TYW1: variants seen among roughly 807,000 people sequenced by gnomAD.
TYW1 encodes S-adenosyl-L-methionine-dependent tRNA 4-demethylwyosine synthase TYW1.
TYW1 carries 46 observed loss-of-function variants against 96.2 expected under a neutral mutation model. That is an observed-to-expected ratio of 0.48 (90% CI 0.38 to 0.61). The LOEUF (loss-of-function observed/expected upper bound fraction) is 0.61, where lower values mean the gene tolerates loss of function less well. Ranked by LOEUF, TYW1 falls within the 20% of genes least tolerant of loss-of-function variation. TYW1 has a pLI of 0.00. For missense variants in TYW1, 684 were observed against 909.6 expected (o/e 0.75, Z 3.19); for synonymous variants, 274 against 323.0 (o/e 0.85, Z 1.63).
At position 66,998,128 on chromosome 7, in the gene TYW1, A is replaced by G. The variant is rs776284490; in HGVS notation, c.68A>G (p.Tyr23Cys). 6.2e-7 allele frequency: 1 copy of G among 1,613,154 alleles called. No homozygotes were observed. Among genetic ancestry groups the G allele is most frequent in the Non-Finnish European group, 8.5e-7 (1 of 1,179,804 alleles). Reference sequence around the variant, plus strand: ...ATATCATTATGGATAAACAGGTTTTACATTTATTTGGGCTTTGCTGTTAGC... The same window carrying G: ...ATATCATTATGGATAAACAGGTTTTGCATTTATTTGGGCTTTGCTGTTAGC... ...PLISLWINRF[Y>C]IYLGFAVSIS... Residue 23 changes from tyrosine (Y) to cysteine (C), a missense_variant, in exon 2 of 16, where the codon TAC becomes TGC. Tyr to Cys is a radical substitution (Grantham distance 194). Transcript: ENST00000359626.
intron 1 of TYW1, 46 bp downstream of exon 1, chr7:66,997,028 A>G: frequency 6.2e-7 from 1 of 1,612,698 alleles, no homozygotes; most frequent in Non-Finnish European, 8.5e-7. Context: ...CAGGGGAGGT[A>G]AACGTTTTAC....
chr7:67,062,262 A>G lies in TYW1; in HGVS notation c.1156-5023A>G, dbSNP rs1166078112. On this transcript the variant is annotated intron_variant, in intron 9 of 15. Coordinates refer to ENST00000359626, the MANE Select transcript of TYW1 (RefSeq NM_018264.4). ...TGTCTCTACTAAAAATACAAAAATTAGCTGGGCGTAGTGGTGGGCGCCTGT... is the reference window on the plus strand; with the variant it reads ...TGTCTCTACTAAAAATACAAAAATTGGCTGGGCGTAGTGGTGGGCGCCTGT... Among the ~76,000 whole-genome samples, 4 of 152,058 alleles carry G rather than the reference A, an allele frequency of 2.6e-5. No homozygotes were observed. The South Asian group carries it at 6.2e-4, about 24-fold the overall frequency.
intron 7 of TYW1, among the ~76,000 whole-genome samples, chr7:67,048,181 T>C (rs1795247053): frequency 6.9e-6 from 1 of 144,790 alleles, no homozygotes; most frequent in African/African-American, 2.6e-5. Flanking sequence ...CAGCAACTTA[T>C]GGGCCATCCT....
chr7:67,028,438 C>T (rs1423690608), intron 7 of TYW1, among the ~76,000 whole-genome samples: 1 of 152,070 alleles, frequency 6.6e-6, no homozygotes. Context: ...TTCCAGCTGA[C>T]CAAAAACCTA....
chr7:67,011,638 G>A (rs1330569498), intron 4 of TYW1, among the ~76,000 whole-genome samples: 8 of 151,898 alleles, frequency 5.3e-5, no homozygotes, highest in Admixed American at 4.6e-4. Context: ...TTGGGAGGCT[G>A]AGGTAGGTGG....
rs1793938177 is a variant in TYW1, at chr7:67,014,458, A to G, written c.467A>G (p.Glu156Gly). The G allele has an allele frequency of 6.2e-7, 1 of 1,613,842 alleles. No homozygotes were observed. The highest frequency in any genetic ancestry group is 8.5e-7 in the Non-Finnish European group (1 of 1,179,876). ...GCAGAGTGGTTCTGCAAATGGTTAG[A>G]GGAAGCATCCATTGATTTTCGATTT... ...ESAEWFCKWLEEASIDFRFGK... is the reference protein window; with the variant it reads ...ESAEWFCKWLGEASIDFRFGK... The change falls in exon 5 of 16, where the codon GAG becomes GGG. Residue 156 changes from glutamate (E) to glycine (G), a missense_variant. Coordinates refer to ENST00000359626, the MANE Select transcript of TYW1 (RefSeq NM_018264.4).
rs547468530 is a variant in TYW1, at chr7:67,121,445, G to A, written c.1698+3827G>A. Among the ~76,000 whole-genome samples the A allele has an allele frequency of 9.2e-5, 14 of 152,318 alleles. 1 individual carries two copies. The South Asian group carries it at 1.9e-3, about 20-fold the overall frequency. On this transcript the variant is annotated intron_variant, in intron 13 of 15. Transcript: ENST00000359626. ...AATCCCAGCTACTCGGGAGGCTGAGGCAGGAGAATTGCTTCAACCGAGGAG... is the reference window on the plus strand; with the variant it reads ...AATCCCAGCTACTCGGGAGGCTGAGACAGGAGAATTGCTTCAACCGAGGAG...
At chr7:67,081,056 T>A (rs1186412622) in intron 10 of TYW1, among the ~76,000 whole-genome samples, 6 of 151,016 alleles carry the variant, frequency 4.0e-5, no homozygotes, top group African/African-American at 1.5e-4. Context: ...GTTTATACTT[T>A]TGTGTATTTT....
At chr7:67,210,332 C>G (rs1426854063) in intron 15 of TYW1, among the ~76,000 whole-genome samples, 2 of 152,190 alleles carry the variant, frequency 1.3e-5, no homozygotes, top group African/African-American at 4.8e-5. Context: ...CACATCATGT[C>G]AAGGGCACGC....
intron 7 of TYW1, among the ~76,000 whole-genome samples, chr7:67,044,481 T>C (rs955118190): frequency 6.6e-6 from 1 of 152,206 alleles, no homozygotes; most frequent in African/African-American, 2.4e-5. Flanking sequence ...TGGAAATAGC[T>C]GTCTGATAGT....
At chr7:67,065,476 ACT>A (rs1490944880) in intron 9 of TYW1, among the ~76,000 whole-genome samples, 2 of 152,030 alleles carry the variant, frequency 1.3e-5, no homozygotes, top group Non-Finnish European at 2.9e-5. Context: ...TTACTCTGTG[ACT>A]CTGGCATTTG....
chr7:67,198,322 G>A (rs1185369268), intron 15 of TYW1, among the ~76,000 whole-genome samples: 2 of 152,038 alleles, frequency 1.3e-5, no homozygotes, highest in African/African-American at 2.4e-5. Flanking sequence ...AGGCTGAGGC[G>A]GGCAGATCAC....
chr7:67,190,435 A>T (rs1456264093), intron 14 of TYW1, among the ~76,000 whole-genome samples: 1 of 152,266 alleles, frequency 6.6e-6, no homozygotes, highest in Non-Finnish European at 1.5e-5. Context: ...CAAAGGGCTC[A>T]GAGTTTTGAC....
At chr7:67,106,058 C>T (rs1284614967) in intron 12 of TYW1, among the ~76,000 whole-genome samples, 4 of 151,846 alleles carry the variant, frequency 2.6e-5, no homozygotes, top group East Asian at 1.9e-4. Flanking sequence ...CCACCACACC[C>T]GGCTAATTTT....
At chr7:67,009,323 G>A (rs574050989) in intron 3 of TYW1, among the ~76,000 whole-genome samples, 190 of 152,292 alleles carry the variant, frequency 1.2e-3, no homozygotes, top group African/African-American at 4.3e-3. Flanking sequence ...GTAGGGCAAG[G>A]CAGATTGATC....
intron 12 of TYW1, among the ~76,000 whole-genome samples, chr7:67,106,079 T>C (rs1342861004): frequency 1.3e-5 from 2 of 152,110 alleles, no homozygotes; most frequent in African/African-American, 4.8e-5. Flanking sequence ...GTATTTTTAG[T>C]AGAGACAGGG....
intron 7 of TYW1, among the ~76,000 whole-genome samples, chr7:67,045,629 G>A (rs1382908664): frequency 3.9e-5 from 6 of 152,244 alleles, no homozygotes; most frequent in African/African-American, 1.4e-4. Flanking sequence ...AGAACGTTTT[G>A]TGTATTCATT....
chr7:67,093,067 A>G (rs1796777059), intron 11 of TYW1, among the ~76,000 whole-genome samples: 1 of 152,154 alleles, frequency 6.6e-6, no homozygotes, highest in Non-Finnish European at 1.5e-5. Flanking sequence ...CTGAGGAGGC[A>G]GAGGTGGGAG....
At chr7:67,100,490 A>G (rs957440692) in intron 12 of TYW1, among the ~76,000 whole-genome samples, 6 of 152,106 alleles carry the variant, frequency 3.9e-5, no homozygotes, top group South Asian at 2.1e-4. Context: ...ATAGGAAAAA[A>G]AAAAAGATCT....
Sources: allele counts gnomAD v4.1 joint callset (sites outside exome capture counted in the v4.1 genomes callset), GRCh38; gene constraint gnomAD v4.1.1; transcripts MANE v1.5; gene names NCBI Gene and HGNC (gene_info 2026-07-23, HGNC 2026-07-21).